PDE4D: variants seen among roughly 807,000 people sequenced by gnomAD.
The protein encoded by PDE4D is 3',5'-cyclic-AMP phosphodiesterase 4D.
PDE4D carries 24 observed loss-of-function variants against 87.4 expected under a neutral mutation model. The ratio of observed to expected loss-of-function variants is 0.27; its 90% CI spans 0.20 to 0.39. The LOEUF (loss-of-function observed/expected upper bound fraction) is 0.39. Ranked by LOEUF, PDE4D falls within the 10% of genes least tolerant of loss-of-function variation. The probability of loss-of-function intolerance (pLI) is 1.00; values close to 1 mark genes in which losing one functional copy is unlikely to be tolerated. For synonymous variants in PDE4D, 384 were observed against 383.2 expected, an observed-to-expected ratio of 1.00 and a Z score of -0.02; for missense variants, 714 against 1,041.0, an observed-to-expected ratio of 0.69 and a Z score of 4.32.
intron 5 of PDE4D, among the ~76,000 whole-genome samples, chr5:59,108,945 T>A (rs1772107888): frequency 7.6e-6 from 1 of 130,838 alleles, no homozygotes; most frequent in African/African-American, 3.0e-5. Context: ...AACAAATTCA[T>A]AGGAACTCAA....
chr5:59,056,713 T>C (rs1762433892), intron 5 of PDE4D, among the ~76,000 whole-genome samples: 1 of 152,138 alleles, frequency 6.6e-6, no homozygotes, highest in Admixed American at 6.6e-5. Flanking sequence ...CGTTTTCTGT[T>C]CCTGTGTTAG....
At chr5:59,649,846 A>T (rs1189556134) in intron 1 of PDE4D, among the ~76,000 whole-genome samples, 1 of 149,394 alleles carries the variant, frequency 6.7e-6, no homozygotes, top group East Asian at 2.0e-4. Context: ...ATTCAAAATC[A>T]CCAATTTGGG....
At chr5:59,893,853 C>T, upstream of PDE4D, 13 of 1,300,590 alleles carry the variant, frequency 1.0e-5, no homozygotes, top group Non-Finnish European at 1.1e-5. Flanking sequence ...GAGGCTATGG[C>T]AGAGACACGC....
intron 2 of PDE4D, among the ~76,000 whole-genome samples, chr5:60,090,354 G>C (rs1462621760): frequency 1.3e-5 from 2 of 151,992 alleles, no homozygotes; most frequent in Non-Finnish European, 2.9e-5. Context: ...TTTATCCCAG[G>C]GTTGCAGGGA....
At chr5:59,139,869 C>T (rs1043440614) in intron 5 of PDE4D, among the ~76,000 whole-genome samples, 2 of 152,100 alleles carry the variant, frequency 1.3e-5, no homozygotes, top group Admixed American at 6.6e-5. Flanking sequence ...GGGGGCTTTT[C>T]CTAGGATGAC....
chr5:59,256,233 T>C lies in PDE4D; in HGVS notation c.456-40265A>G, dbSNP rs371703543. Among the ~76,000 whole-genome samples, 154 of 152,168 alleles carry C rather than the reference T, an allele frequency of 1.0e-3. 1 individual carries two copies. Among genetic ancestry groups the C allele is most frequent in the African/African-American group, 3.5e-3 (146 of 41,546 alleles). On this transcript the variant is annotated intron_variant, in intron 1 of 14. Coordinates refer to ENST00000340635, the MANE Select transcript of PDE4D (RefSeq NM_001104631.2). ...CTGATAAGAATAAATGAAAACAGGA[T>C]TTCCCCATTCTCTGTAGTTAGAGCA... is the stretch of plus-strand genomic sequence containing the variant.
chr5:59,468,340 T>TA (rs1316796856), intron 1 of PDE4D, among the ~76,000 whole-genome samples: 1 of 152,192 alleles, frequency 6.6e-6, no homozygotes, highest in Non-Finnish European at 1.5e-5. Context: ...CATTATTTTT[T>TA]ATCTTTTGGA....
intron 3 of PDE4D, among the ~76,000 whole-genome samples, chr5:59,938,645 C>T (rs930719605): frequency 6.6e-5 from 10 of 152,190 alleles, no homozygotes; most frequent in Non-Finnish European, 1.5e-4. Context: ...TTCAAGGAGG[C>T]TGATCACTCC....
Position 58,975,961 on chromosome 5 carries a change from T to G in PDE4D, c.1831-122A>C, listed in dbSNP as rs1351616154. 2 of 739,400 alleles carry G rather than the reference T, an allele frequency of 2.7e-6. No homozygotes were observed. The highest frequency in any genetic ancestry group is 7.1e-5 in the Admixed American group (2 of 28,272). 45.8% of individuals were successfully genotyped at this position (739,400 alleles called of 1,614,324 possible). On this transcript the variant is annotated intron_variant, in intron 13 of 14. Coordinates refer to ENST00000340635, the MANE Select transcript of PDE4D (RefSeq NM_001104631.2). The surrounding 1 kb of genome is among the most constrained non-coding windows in gnomAD (Gnocchi z 4.2). ...CTTAAAAATACACGTAGTGTAAGAT[T>G]TATTCCAAACAGCTCAACCATGATG... is the stretch of plus-strand genomic sequence containing the variant.
intron 2 of PDE4D, among the ~76,000 whole-genome samples, chr5:60,018,195 T>C (rs1370514979): frequency 7.0e-6 from 1 of 142,718 alleles, no homozygotes; most frequent in African/African-American, 2.6e-5. Context: ...TCAACATTCT[T>C]AAAAAAAAAA....
intron 1 of PDE4D, among the ~76,000 whole-genome samples, chr5:59,608,734 G>C (rs1173920699): frequency 2.0e-5 from 3 of 152,086 alleles, no homozygotes; most frequent in African/African-American, 7.2e-5. Context: ...CCCACCTCCT[G>C]GCATTTAACA....
intron 5 of PDE4D, among the ~76,000 whole-genome samples, chr5:59,055,450 C>A (rs1039991935): frequency 2.0e-5 from 3 of 152,122 alleles, no homozygotes; most frequent in Non-Finnish European, 4.4e-5. Flanking sequence ...CTTGTCTGCC[C>A]CCATTATTCC....
At chr5:59,783,818 G>C (rs1031739965) in intron 1 of PDE4D, among the ~76,000 whole-genome samples, 3 of 152,150 alleles carry the variant, frequency 2.0e-5, no homozygotes, top group African/African-American at 7.2e-5. Flanking sequence ...TGTAACCCCA[G>C]CACTTTGGGA....
At chr5:59,499,025 G>T (rs1807758867) in intron 1 of PDE4D, among the ~76,000 whole-genome samples, 1 of 151,854 alleles carries the variant, frequency 6.6e-6, no homozygotes, top group Admixed American at 6.6e-5. Flanking sequence ...TAGTCATAAA[G>T]CAAGTCTTAA....
chr5:59,067,400 A>C (rs1291213892), intron 5 of PDE4D, among the ~76,000 whole-genome samples: 1 of 152,206 alleles, frequency 6.6e-6, no homozygotes, highest in Non-Finnish European at 1.5e-5. Context: ...AAGACAGAAA[A>C]TAGCCATAGG....
intron 1 of PDE4D, among the ~76,000 whole-genome samples, chr5:59,295,178 T>C (rs970339307): frequency 5.3e-5 from 8 of 152,316 alleles, no homozygotes; most frequent in Non-Finnish European, 1.2e-4. Flanking sequence ...CAGATATCTA[T>C]AAATGCCATT....
chr5:59,907,982 C>T lies in PDE4D; in HGVS notation c.272+80506G>A, dbSNP rs77771296. Among the ~76,000 whole-genome samples the T allele has an allele frequency of 3.9e-3, 590 of 152,142 alleles. 15 individuals carry two copies. The East Asian group carries it at 0.09, about 23-fold the overall frequency. On this transcript the variant is annotated intron_variant, in intron 3 of 16. Transcript: ENST00000502484. The stretch of plus-strand genomic sequence containing the variant: ...CCTCTTCCCTTTCAGAAGGTGAAAG[C>T]ATTCCCTCTCAAACCAAACATCCCT...
At chr5:59,272,587 G>A (rs1764031669) in intron 1 of PDE4D, among the ~76,000 whole-genome samples, 1 of 151,810 alleles carries the variant, frequency 6.6e-6, no homozygotes, top group Admixed American at 6.6e-5. Context: ...GCTAGAACGT[G>A]GCATATAAAT....
At chr5:59,382,986 C>T (rs1412462592) in intron 1 of PDE4D, among the ~76,000 whole-genome samples, 3 of 152,148 alleles carry the variant, frequency 2.0e-5, no homozygotes, top group African/African-American at 7.2e-5. Context: ...TTTGCTGAAA[C>T]ATAAATGCTT....
Sources: gnomAD v4.1 joint callset for allele counts (sites outside exome capture counted in the v4.1 genomes callset) on GRCh38, gnomAD v4.1.1 for gene constraint, Gnocchi (gnomAD v3.1) non-coding constraint, MANE v1.5 for transcripts, NCBI Gene and HGNC (gene_info 2026-07-23, HGNC 2026-07-21) for gene names.